The following CHIC2 variants were observed in gnomAD, a reference collection of about 807,000 sequenced individuals.
CHIC2 encodes the protein cysteine-rich hydrophobic domain-containing protein 2.
Under a neutral mutation model 25.9 loss-of-function variants are expected in CHIC2, and 14 were observed. That is an observed-to-expected ratio of 0.54 (90% CI 0.36 to 0.85). CHIC2 has a LOEUF of 0.85. Among genes scored for constraint, CHIC2 ranks in the 40% least tolerant of loss-of-function variants. The pLI is 0.01. For missense variants in CHIC2, 146 were observed against 202.0 expected (o/e 0.72, Z 1.68); for synonymous variants, 70 against 72.0 (o/e 0.97, Z 0.14).
the CHIC2 span, among the ~76,000 whole-genome samples, chr4:54,078,271 G>T: frequency 6.6e-6 from 1 of 152,108 alleles, no homozygotes; most frequent in African/African-American, 2.4e-5. Flanking sequence ...TTGCTAGGAT[G>T]GTCAAAATCA....
chr4:54,071,438 C>T, the CHIC2 span, among the ~76,000 whole-genome samples: 10 of 152,286 alleles, frequency 6.6e-5, no homozygotes, highest in Middle Eastern at 3.4e-3. Flanking sequence ...ACATAGGTAC[C>T]GTTTTCATCC....
Position 54,064,190 on chromosome 4 carries a change from G to A in CHIC2, c.111C>T (p.His37=). The change falls in exon 1 of 6, where the codon CAC becomes CAT. Residue 37 remains histidine, a synonymous_variant. Coordinates refer to ENST00000263921, the MANE Select transcript of CHIC2 (RefSeq NM_012110.4). The surrounding 1 kb of genome is among the most constrained non-coding windows in gnomAD (Gnocchi z 4.2). ...CCTCCTCCGGGCCTTACACGGTGAC[G>A]TGACCGGAGCCGCGGACGACCACCG... ...PDPVVVRGSG[H]VTVFGLSNKF... is the part of the protein sequence containing the mutation. 6.2e-7 allele frequency: 1 copy of A among 1,603,882 alleles called. No homozygotes were observed. Among genetic ancestry groups the A allele is most frequent in the South Asian group, 1.1e-5 (1 of 89,302 alleles).
chr4:54,055,371 A>T (rs148277136), intron 1 of CHIC2, among the ~76,000 whole-genome samples: 59 of 152,068 alleles, frequency 3.9e-4, no homozygotes, highest in African/African-American at 1.3e-3. Flanking sequence ...CAGAGCCAAG[A>T]TGTCAAGACA....
chr4:54,051,558 G>A (rs963500973), intron 1 of CHIC2, among the ~76,000 whole-genome samples: 24 of 151,862 alleles, frequency 1.6e-4, no homozygotes, highest in Non-Finnish European at 4.4e-5. Context: ...TGTCAACTCT[G>A]AGAGAAAAAA....
intron 3 of CHIC2, among the ~76,000 whole-genome samples, chr4:54,020,755 G>C (rs1715872101): frequency 6.6e-6 from 1 of 152,152 alleles, no homozygotes; most frequent in South Asian, 2.1e-4. Flanking sequence ...AGACAAAGGA[G>C]ACACATTTTA....
At chr4:54,076,567 C>G in the CHIC2 span, 1 of 152,186 alleles carries the variant, frequency 6.6e-6, no homozygotes. Context: ...ATTTAAGAAA[C>G]TGGGCATTTC....
At chr4:54,052,386 A>G (rs1717028681) in intron 1 of CHIC2, among the ~76,000 whole-genome samples, 2 of 152,210 alleles carry the variant, frequency 1.3e-5, no homozygotes, top group South Asian at 4.1e-4. Context: ...TTTTCAATTG[A>G]CAGCATTATA....
At chr4:54,033,289 TAATG>T (rs1189648964) in intron 3 of CHIC2, among the ~76,000 whole-genome samples, 5 of 152,250 alleles carry the variant, frequency 3.3e-5, no homozygotes, top group African/African-American at 1.2e-4. Context: ...GCATTTTTCC[TAATG>T]GTTAGTGATG....
At chr4:54,058,159 G>T (rs963459824) in intron 1 of CHIC2, among the ~76,000 whole-genome samples, 1 of 152,070 alleles carries the variant, frequency 6.6e-6, no homozygotes, top group Admixed American at 6.6e-5. Context: ...ATTTTAGACT[G>T]ACTTCCCACA....
chr4:54,011,346 C>G (rs1715580022), intron 5 of CHIC2, among the ~76,000 whole-genome samples: 1 of 152,134 alleles, frequency 6.6e-6, no homozygotes, highest in Non-Finnish European at 1.5e-5. Flanking sequence ...ATTTGCCACT[C>G]TCCTGACCTG....
the CHIC2 span, among the ~76,000 whole-genome samples, chr4:54,083,018 CTTTTTTTT>C: frequency 1.3e-4 from 9 of 67,908 alleles, no homozygotes; most frequent in African/African-American, 5.8e-4. Flanking sequence ...TTCTTTCTTT[CTTTTTTTT>C]TTTTTTTTTT....
intron 3 of CHIC2, among the ~76,000 whole-genome samples, chr4:54,048,074 C>T (rs1484084867): frequency 1.3e-5 from 2 of 152,072 alleles, no homozygotes; most frequent in East Asian, 1.9e-4. Flanking sequence ...CTGCAACCTT[C>T]GCCCTCCAGG....
intron 1 of CHIC2, among the ~76,000 whole-genome samples, chr4:54,050,864 C>T (rs1229271584): frequency 1.3e-5 from 2 of 152,062 alleles, no homozygotes; most frequent in African/African-American, 4.8e-5. Flanking sequence ...CATAGTTAAG[C>T]ACCACATACT....
chr4:54,087,212 C>T, the CHIC2 span: 1 of 656,220 alleles, frequency 1.5e-6, no homozygotes, highest in Admixed American at 2.4e-5. Context: ...ACCTCAGACC[C>T]CAGGGAAGGA....
In CHIC2 at chr4:54,010,024, C is replaced by A; in HGVS notation, c.*71G>T. ...TGTAGAACCAATGTTATGTCACCAC[C>A]AGGAGAGCACCAAGCAAGGCACCAT... is the stretch of plus-strand genomic sequence containing the variant. On this transcript the variant is annotated 3_prime_UTR_variant, in exon 6 of 6. Coordinates refer to ENST00000263921, the MANE Select transcript of CHIC2 (RefSeq NM_012110.4). 1 of 1,009,442 alleles carries A rather than the reference C, an allele frequency of 9.9e-7. No individual in the cohort carries two copies. Among genetic ancestry groups the A allele is most frequent in the Non-Finnish European group, 1.5e-6 (1 of 655,838 alleles). The allele number at this position is 1,009,442 out of a possible 1,614,324, so 62.5% of individuals were successfully genotyped here.
intron 1 of CHIC2, among the ~76,000 whole-genome samples, chr4:54,058,303 T>C (rs1717233738): frequency 6.6e-6 from 1 of 152,142 alleles, no homozygotes; most frequent in South Asian, 2.1e-4. Context: ...GTGGATATTA[T>C]CTCTTTCGCA....
chr4:54,048,320 T>C (rs1009181897), intron 3 of CHIC2, among the ~76,000 whole-genome samples: 3 of 152,126 alleles, frequency 2.0e-5, no homozygotes, highest in Non-Finnish European at 4.4e-5. Context: ...GTCAAAATAA[T>C]GAGTCTTTGA....
the CHIC2 span, among the ~76,000 whole-genome samples, chr4:54,073,499 C>T: frequency 6.6e-6 from 1 of 152,174 alleles, no homozygotes; most frequent in South Asian, 2.1e-4. Context: ...CATGAGGACA[C>T]TCAAACAGAC....
At chr4:54,057,147 T>C (rs188971453) in intron 1 of CHIC2, among the ~76,000 whole-genome samples, 7 of 152,338 alleles carry the variant, frequency 4.6e-5, no homozygotes, top group African/African-American at 1.7e-4. Context: ...GCCACTGCTA[T>C]GTATTTCCAT....
Sources: allele counts gnomAD v4.1 joint callset (sites outside exome capture counted in the v4.1 genomes callset), GRCh38; gene constraint gnomAD v4.1.1; non-coding constraint Gnocchi (gnomAD v3.1); transcripts MANE v1.5; gene names NCBI Gene and HGNC (gene_info 2026-07-23, HGNC 2026-07-21).